MIA2: variants seen among roughly 807,000 people sequenced by gnomAD.
MIA2 encodes MIA SH3 domain ER export factor 2.
Under a neutral mutation model 167.8 loss-of-function variants are expected in MIA2, and 127 were observed. The observed-to-expected ratio is 0.76, with a 90% confidence interval of 0.66 to 0.88. The LOEUF (loss-of-function observed/expected upper bound fraction) is 0.88. MIA2 is among the 40% of genes least tolerant of loss of function. The pLI, the probability that MIA2 is intolerant of heterozygous loss-of-function variation, is 0.00. For synonymous variants in MIA2, 552 were observed against 541.9 expected (o/e 1.02, Z -0.26); for missense variants, 1,690 against 1,624.7 (o/e 1.04, Z -0.69).
chr14:39,260,019 C>G (rs1164318698), intron 6 of MIA2, among the ~76,000 whole-genome samples: 1 of 152,158 alleles, frequency 6.6e-6, no homozygotes, highest in Non-Finnish European at 1.5e-5. Flanking sequence ...TCATCCATGT[C>G]CCTGCAAAGG....
At chr14:39,315,145 A>AG (rs2065160795) in intron 20 of MIA2, 1 of 165,098 alleles carries the variant, frequency 6.1e-6, no homozygotes, top group Non-Finnish European at 1.3e-5. Context: ...AAAAAAAAAA[A>AG]ATACAAAAAT....
chr14:39,265,168 TA>T, intron 6 of MIA2: 1 of 444,322 alleles, frequency 2.3e-6, no homozygotes, highest in Non-Finnish European at 3.9e-6. Context: ...AGTATATATA[TA>T]TATATATACT....
Position 39,288,465 on chromosome 14 carries a change from A to ATT in MIA2, c.2131-2553_2131-2552insTT, listed in dbSNP as rs1410286393. 3.4e-3 allele frequency among the ~76,000 whole-genome samples: 146 copies of ATT among 42,614 alleles called. 1 individual carries two copies. Among genetic ancestry groups the ATT allele is most frequent in the Non-Finnish European group, 4.6e-3 (121 of 26,056 alleles). 28.0% of individuals were successfully genotyped at this position (42,614 alleles called of 152,430 possible). A position where few individuals can be genotyped will look rare whatever the true frequency, so the allele number is the denominator to read the frequency against. On this transcript the variant is annotated intron_variant, in intron 9 of 28. Coordinates refer to ENST00000640607, the MANE Select transcript of MIA2 (RefSeq NM_001329214.4). ...TATATATATATATATATATATATAT[A>ATT]TATATATATATTTTTTTTTTTTTTT...
Position 39,240,501 on chromosome 14 carries a change from C to A in MIA2, c.250-60C>A, listed in dbSNP as rs1036598576. 1.9e-5 allele frequency: 26 copies of A among 1,335,334 alleles called. No individual in the cohort carries two copies. In the African/African-American group the frequency reaches 2.9e-4, roughly 15 times the overall value. The allele number at this position is 1,335,334 out of a possible 1,614,324, so 82.7% of individuals were successfully genotyped here. A position where few individuals can be genotyped will look rare whatever the true frequency, so the allele number is the denominator to read the frequency against. Reference sequence around the variant, plus strand: ...CAAGGACATGGGACAAAATTAGGTTCAATAATTATTATTGCTTTGATCATT... The same window carrying A: ...CAAGGACATGGGACAAAATTAGGTTAAATAATTATTATTGCTTTGATCATT... On this transcript the variant is annotated intron_variant, in intron 2 of 28. Coordinates refer to ENST00000640607, the MANE Select transcript of MIA2 (RefSeq NM_001329214.4).
chr14:39,349,818 G>GT (rs147788084), intron 28 of MIA2, among the ~76,000 whole-genome samples: 8 of 152,240 alleles, frequency 5.3e-5, no homozygotes, highest in Non-Finnish European at 1.0e-4. Context: ...GTGATTTACA[G>GT]TAAGTTTTAT....
At position 39,345,895 on chromosome 14, in the gene MIA2, A is replaced by G; in HGVS notation, c.3656-9A>G. 6.3e-7 allele frequency: 1 copy of G among 1,597,298 alleles called. No homozygotes were observed. The highest frequency in any genetic ancestry group is 8.5e-7 in the Non-Finnish European group (1 of 1,174,836). ...ATTAATGAAGACATTTTAAAAACTT[A>G]TTTTCTAGGACAATCATATCCTGAT... On this transcript the variant is annotated splice_polypyrimidine_tract_variant and intron_variant, in intron 25 of 28. Transcript: ENST00000640607.
chr14:39,367,764 C>G (rs1397638540), intron 23 of MIA2, among the ~76,000 whole-genome samples: 2 of 152,288 alleles, frequency 1.3e-5, no homozygotes, highest in Non-Finnish European at 1.5e-5. Flanking sequence ...ATGTCAGATG[C>G]CTCTCGTCTG....
chr14:39,378,727 A>G (rs1366065558), intron 23 of MIA2, among the ~76,000 whole-genome samples: 1 of 152,216 alleles, frequency 6.6e-6, no homozygotes, highest in Non-Finnish European at 1.5e-5. Flanking sequence ...AAGAAGGCTA[A>G]ACAAAATTTC....
At chr14:39,236,200 AG>A (rs1364238095) in intron 1 of MIA2, among the ~76,000 whole-genome samples, 3 of 152,222 alleles carry the variant, frequency 2.0e-5, no homozygotes, top group Non-Finnish European at 4.4e-5. Context: ...ATAGTGATGC[AG>A]CCTAGTAAGG....
At chr14:39,268,400 A>T (rs769692761) in intron 6 of MIA2, among the ~76,000 whole-genome samples, 1 of 152,108 alleles carries the variant, frequency 6.6e-6, no homozygotes, top group East Asian at 1.9e-4. Flanking sequence ...TTCTAAATGG[A>T]CTAAGACTTA....
intron 18 of MIA2, among the ~76,000 whole-genome samples, chr14:39,311,770 A>G (rs961488703): frequency 2.0e-4 from 30 of 150,130 alleles, no homozygotes; most frequent in Non-Finnish European, 4.0e-4. Flanking sequence ...GATTATAGGC[A>G]TGAGCCACTG....
chr14:39,353,923 C>A (rs747783464), downstream of MIA2, among the ~76,000 whole-genome samples: 3 of 152,184 alleles, frequency 2.0e-5, no homozygotes, highest in African/African-American at 4.8e-5. Flanking sequence ...CATAGTATTC[C>A]ATGGTGTATA....
In MIA2 at chr14:39,276,948, G is replaced by A; in HGVS notation, c.1902G>A (p.Leu634=). The A allele has an allele frequency of 6.2e-7, 1 of 1,613,394 alleles. No homozygotes were observed. ...TTATCTTGAAGGTTGTGGCAGCACT[G>A]CCTGAAGGTATGAGACCAGATTCTA... The part of the protein sequence containing the change: ...VILTERVVAA[L]PEGMRPDSNL... Residue 634 remains leucine (L), a synonymous_variant, in exon 7 of 29, where the codon CTG becomes CTA. Coordinates refer to ENST00000640607, the MANE Select transcript of MIA2 (RefSeq NM_001329214.4).
intron 9 of MIA2, among the ~76,000 whole-genome samples, chr14:39,288,417 C>T (rs1211154280): frequency 4.9e-5 from 6 of 121,298 alleles, no homozygotes; most frequent in African/African-American, 1.6e-4. Context: ...TTGATTTGAG[C>T]GTGTATATAT....
intron 9 of MIA2, among the ~76,000 whole-genome samples, chr14:39,287,615 A>G (rs2060001724): frequency 1.3e-5 from 2 of 151,890 alleles, no homozygotes; most frequent in Admixed American, 1.3e-4. Flanking sequence ...CTAGGCTGGA[A>G]TGCAGTGGCG....
chr14:39,265,175 ATAC>A, intron 6 of MIA2: 1 of 493,046 alleles, frequency 2.0e-6, no homozygotes, highest in East Asian at 3.8e-5. Flanking sequence ...ATATATATAT[ATAC>A]TTAACAACGA....
chr14:39,317,502 C>A (rs1186839049), intron 21 of MIA2, among the ~76,000 whole-genome samples: 1 of 152,082 alleles, frequency 6.6e-6, no homozygotes, highest in Admixed American at 6.6e-5. Context: ...GAACGTTTGA[C>A]CCCAGGGTGG....
At chr14:39,266,560 C>T (rs2055676906) in intron 6 of MIA2, 1 of 985,528 alleles carries the variant, frequency 1.0e-6, no homozygotes, top group Non-Finnish European at 1.2e-6. Flanking sequence ...GGTTCTCTTG[C>T]GTGGGACAGG....
At chr14:39,255,506 TCAAA>T (rs1273491149) in intron 6 of MIA2, among the ~76,000 whole-genome samples, 2 of 152,144 alleles carry the variant, frequency 1.3e-5, no homozygotes, top group Non-Finnish European at 2.9e-5. Flanking sequence ...AGACTCTGTC[TCAAA>T]CAAACAAACA....
Sources: allele counts gnomAD v4.1 joint callset (sites outside exome capture counted in the v4.1 genomes callset), GRCh38; gene constraint gnomAD v4.1.1; transcripts MANE v1.5; gene names NCBI Gene and HGNC (gene_info 2026-07-23, HGNC 2026-07-21).